The following AZIN2 variants were observed in gnomAD, a reference collection of about 807,000 sequenced individuals.
The protein encoded by AZIN2 is antizyme inhibitor 2.
AZIN2 carries 28 observed loss-of-function variants against 47.8 expected under a neutral mutation model. The observed-to-expected ratio is 0.59, with a 90% confidence interval of 0.43 to 0.80. AZIN2 has a LOEUF of 0.80. Among genes scored for constraint, AZIN2 ranks in the 30% least tolerant of loss-of-function variants. The pLI is 0.00. For synonymous variants in AZIN2, 221 were observed against 239.4 expected (o/e 0.92, Z 0.71); for missense variants, 535 against 582.5 (o/e 0.92, Z 0.84).
chr1:33,094,838 C>A, intron 8 of AZIN2, 125 bp downstream of exon 8: 1 of 1,016,054 alleles, frequency 9.8e-7, no homozygotes, highest in Non-Finnish European at 1.5e-6. Flanking sequence ...TGGTGCTTAC[C>A]TGGGTGATCT....
In AZIN2 at chr1:33,113,845, T is replaced by C. The variant is rs1257374234; in HGVS notation, c.1030-4057T>C. 6.6e-6 allele frequency among the ~76,000 whole-genome samples: 1 copy of C among 152,206 alleles called. No individual in the cohort carries two copies. The highest frequency in any genetic ancestry group is 1.5e-5 in the Non-Finnish European group (1 of 68,038). ...GTCTGTAGTTTTAATAAAGAATAGA[T>C]GCTACGGGCTACTTCATGGTATGTT... On this transcript the variant is annotated intron_variant, in intron 10 of 11. Transcript: ENST00000294517. This position sits in a 1 kb window ranked among gnomAD's most constrained non-coding sequence, Gnocchi z 4.1.
chr1:33,120,137 C>A lies in AZIN2; in HGVS notation c.1338C>A (p.Asp446Glu). ...TGTCCTGCGGCTGGGAGATCACAGA[C>A]ACCCTGTGCGTGGGCCCTGTCTTCA... ...KPLSCGWEIT[D>E]TLCVGPVFTP... The change falls in exon 12 of 12, where the codon GAC becomes GAA. Residue 446 changes from aspartate to glutamate, a missense_variant. Transcript: ENST00000294517. 6.2e-7 allele frequency: 1 copy of A among 1,613,846 alleles called. No homozygotes were observed. Among genetic ancestry groups the A allele is most frequent in the South Asian group, 1.1e-5 (1 of 91,092 alleles).
chr1:33,160,985 T>G, the AZIN2 span, among the ~76,000 whole-genome samples: 24 of 152,122 alleles, frequency 1.6e-4, no homozygotes, highest in African/African-American at 5.8e-4. Flanking sequence ...GGGCACAGGT[T>G]TGGTGCCTGA....
chr1:33,103,375 T>G (rs115337545), intron 10 of AZIN2, among the ~76,000 whole-genome samples: 1 of 152,232 alleles, frequency 6.6e-6, no homozygotes, highest in African/African-American at 2.4e-5. Flanking sequence ...TTGTAACACC[T>G]AAGTTGTTTC....
intron 5 of AZIN2, among the ~76,000 whole-genome samples, chr1:33,085,683 G>T (rs1569880787): frequency 4.6e-5 from 7 of 152,200 alleles, no homozygotes; most frequent in Admixed American, 4.6e-4. Flanking sequence ...GAATGAGCAG[G>T]TTAACCTGTA....
chr1:33,128,203 CAAAAAA>C (rs34284839), downstream of AZIN2, among the ~76,000 whole-genome samples: 7 of 83,704 alleles, frequency 8.4e-5, no homozygotes, highest in Non-Finnish European at 1.5e-4. Context: ...CCCACCTCTC[CAAAAAA>C]AAAAAAAAAA....
At chr1:33,150,967 G>T in the AZIN2 span, among the ~76,000 whole-genome samples, 1 of 152,114 alleles carries the variant, frequency 6.6e-6, no homozygotes, top group African/African-American at 2.4e-5. Context: ...GGTGATTTGA[G>T]ACCAGCAACA....
chr1:33,124,318 T>C (rs1230165765), downstream of AZIN2, among the ~76,000 whole-genome samples: 1 of 152,170 alleles, frequency 6.6e-6, no homozygotes, highest in African/African-American at 2.4e-5. The surrounding 1 kb of genome is among the most constrained non-coding windows in gnomAD (Gnocchi z 4.6). Context: ...CTTAATTCTG[T>C]AGGCAGTAGG....
In AZIN2 at chr1:33,122,082, A is replaced by AT. The variant is rs1287009049; in HGVS notation, c.*1901dup. On this transcript the variant is annotated 3_prime_UTR_variant, in exon 12 of 12. Transcript: ENST00000294517. ...AAAGCCACGATTTACAGGTATTACC[A>AT]TGCCAGTAATTGTCTATCAGACTCT... 6.6e-6 allele frequency among the ~76,000 whole-genome samples: 1 copy of AT among 152,244 alleles called. No individual in the cohort carries two copies. Among genetic ancestry groups the AT allele is most frequent in the Admixed American group, 6.5e-5 (1 of 15,290 alleles).
the AZIN2 span, among the ~76,000 whole-genome samples, chr1:33,149,049 C>T: frequency 6.6e-6 from 1 of 152,204 alleles, no homozygotes; most frequent in South Asian, 2.1e-4. Context: ...TTGTTGCAAC[C>T]ACCCCCAGAG....
At chr1:33,160,518 C>T in the AZIN2 span, among the ~76,000 whole-genome samples, 211 of 152,202 alleles carry the variant, frequency 1.4e-3, 4 homozygotes, top group East Asian at 0.032. Flanking sequence ...GATTCTCCAG[C>T]CTCAGCCTCC....
chr1:33,087,982 C>T (rs1453504494), intron 5 of AZIN2, among the ~76,000 whole-genome samples: 1 of 152,192 alleles, frequency 6.6e-6, no homozygotes, highest in Non-Finnish European at 1.5e-5. Flanking sequence ...TCTCCATCCT[C>T]ACCTCTGCAG....
chr1:33,117,817 G>A, intron 10 of AZIN2, 85 bp from the exon 11 acceptor site: 6 of 1,433,374 alleles, frequency 4.2e-6, no homozygotes, highest in Non-Finnish European at 5.9e-6. Flanking sequence ...TTGGCTATGG[G>A]AGCCATAGAA....
the AZIN2 span, among the ~76,000 whole-genome samples, chr1:33,136,585 G>C: frequency 6.6e-6 from 1 of 151,404 alleles, no homozygotes; most frequent in Non-Finnish European, 1.5e-5. Context: ...GGGCAGGCTG[G>C]TCTTGAACTC....
Position 33,113,248 on chromosome 1 carries a change from G to A in AZIN2, c.1030-4654G>A, listed in dbSNP as rs187266322. The stretch of plus-strand genomic sequence containing the variant: ...CTCCCAAAGTGTTGGGATTCCAGGC[G>A]TGAGCCACCGCGCCCAGCTGGTTTT... On this transcript the variant is annotated intron_variant, in intron 10 of 11. Transcript: ENST00000294517. This position sits in a 1 kb window ranked among gnomAD's most constrained non-coding sequence, Gnocchi z 4.1. 1.1e-3 allele frequency among the ~76,000 whole-genome samples: 162 copies of A among 152,354 alleles called. 2 individuals are homozygous for A. Among genetic ancestry groups the A allele is most frequent in the Non-Finnish European group, 2.5e-4 (17 of 68,040 alleles).
chr1:33,156,266 C>T, the AZIN2 span, among the ~76,000 whole-genome samples: 2 of 152,242 alleles, frequency 1.3e-5, no homozygotes, highest in Non-Finnish European at 2.9e-5. Flanking sequence ...CACACTCTCT[C>T]TCCTTCGCTT....
At chr1:33,142,891 A>G in the AZIN2 span, 1 of 152,084 alleles carries the variant, frequency 6.6e-6, no homozygotes, top group South Asian at 2.1e-4. Context: ...TTCCCTGCTC[A>G]AACACTGAGA....
rs543461339 is a variant in AZIN2 at position 33,120,263 on chromosome 1, G to A, written c.*81G>A. The A allele has an allele frequency of 1.3e-6, 2 of 1,530,410 alleles. No individual in the cohort carries two copies. The highest frequency in any genetic ancestry group is 2.7e-5 in the African/African-American group (2 of 73,468). The allele number at this position is 1,530,410 out of a possible 1,614,324, so 94.8% of individuals were successfully genotyped here. On this transcript the variant is annotated 3_prime_UTR_variant, in exon 12 of 12. Transcript: ENST00000294517. ...GAGGTGGGGAAGATGGCAGGCAAGG[G>A]TACCCTTGGCCAGGACTCTGGTGCC...
At chr1:33,124,145 G>A (rs180787590), downstream of AZIN2, among the ~76,000 whole-genome samples, 8 of 152,238 alleles carry the variant, frequency 5.3e-5, 1 homozygote, top group Admixed American at 2.6e-4. The surrounding 1 kb of genome is among the most constrained non-coding windows in gnomAD (Gnocchi z 4.6). Context: ...CAGCCTAGGC[G>A]ACAGGGCAAG....
Sources: gnomAD v4.1 joint callset for allele counts (sites outside exome capture counted in the v4.1 genomes callset) on GRCh38, gnomAD v4.1.1 for gene constraint, Gnocchi (gnomAD v3.1) non-coding constraint, MANE v1.5 for transcripts, NCBI Gene and HGNC (gene_info 2026-07-23, HGNC 2026-07-21) for gene names.